Variants in ASTN2 observed in about 807,000 individuals in gnomAD.
ASTN2 encodes astrotactin-2.
Under a neutral mutation model 139.8 loss-of-function variants are expected in ASTN2, and 54 were observed. That is an observed-to-expected ratio of 0.39 (90% CI 0.31 to 0.48). ASTN2 has a LOEUF of 0.48. Among genes scored for constraint, ASTN2 ranks in the 20% least tolerant of loss-of-function variants. The pLI is 0.95. For synonymous variants in ASTN2, 756 were observed against 719.5 expected, an observed-to-expected ratio of 1.05 and a Z score of -0.81; for missense variants, 1,565 against 1,725.1, an observed-to-expected ratio of 0.91 and a Z score of 1.64.
chr9:117,262,135 A>G (rs1474963593), intron 2 of ASTN2, among the ~76,000 whole-genome samples: 1 of 152,192 alleles, frequency 6.6e-6, no homozygotes, highest in African/African-American at 2.4e-5. Flanking sequence ...CCAGGAATAG[A>G]GGATAAAATT....
Position 116,725,736 on chromosome 9 carries a change from C to T in ASTN2, c.2806+35G>A, listed in dbSNP as rs569167917. The stretch of plus-strand genomic sequence containing the variant: ...CAGACCCCTTGCCTCTATAGCCTGC[C>T]TGGCCACCTCCTACAGTAGGCACTC... On this transcript the variant is annotated intron_variant, in intron 16 of 22. Transcript: ENST00000313400. 5.0e-6 allele frequency: 8 copies of T among 1,599,560 alleles called. No individual in the cohort carries two copies. The African/African-American group carries it at 9.4e-5, about 19-fold the overall frequency.
At chr9:116,897,226 G>C (rs1485473840) in intron 10 of ASTN2, among the ~76,000 whole-genome samples, 3 of 152,192 alleles carry the variant, frequency 2.0e-5, no homozygotes, top group African/African-American at 7.2e-5. Context: ...ATGGCAAGTG[G>C]TAATACCAGG....
intron 19 of ASTN2, among the ~76,000 whole-genome samples, chr9:116,617,658 A>G (rs150289654): frequency 6.6e-6 from 1 of 152,342 alleles, no homozygotes; most frequent in East Asian, 1.9e-4. Flanking sequence ...CGTGCCTGGC[A>G]CACAAAAAAA....
chr9:117,311,229 GAAAAA>G (rs67365219), intron 1 of ASTN2, among the ~76,000 whole-genome samples: 2 of 140,936 alleles, frequency 1.4e-5, no homozygotes, highest in East Asian at 2.1e-4. Context: ...TAGGCTTACA[GAAAAA>G]AAAAAAAAAA....
intron 1 of ASTN2, among the ~76,000 whole-genome samples, chr9:117,348,091 A>C (rs1829280490): frequency 6.6e-6 from 1 of 152,186 alleles, no homozygotes. Context: ...AGAGAAGCAT[A>C]ATCCATTTAT....
chr9:116,545,150 C>T (rs1347966776), intron 19 of ASTN2, among the ~76,000 whole-genome samples: 3 of 152,222 alleles, frequency 2.0e-5, no homozygotes, highest in Non-Finnish European at 4.4e-5. Context: ...CAATGCAGAG[C>T]CAGGGATGCC....
chr9:117,229,233 T>C (rs1832811472), intron 2 of ASTN2, among the ~76,000 whole-genome samples: 1 of 152,076 alleles, frequency 6.6e-6, no homozygotes, highest in African/African-American at 2.4e-5. Flanking sequence ...AACATCTCAG[T>C]TGTAACACTG....
At chr9:116,751,538 CTAT>C (rs1421744567) in intron 13 of ASTN2, among the ~76,000 whole-genome samples, 1 of 151,666 alleles carries the variant, frequency 6.6e-6, no homozygotes, top group Non-Finnish European at 1.5e-5. Context: ...TAAATGTTAA[CTAT>C]TATTATTGTT....
At chr9:116,565,633 T>C (rs1378013862) in intron 19 of ASTN2, among the ~76,000 whole-genome samples, 3 of 150,024 alleles carry the variant, frequency 2.0e-5, no homozygotes, top group Non-Finnish European at 4.4e-5. Context: ...CACCACCATG[T>C]GGCCTGGCTA....
chr9:116,458,892 A>C (rs1232097414), intron 20 of ASTN2, among the ~76,000 whole-genome samples: 1 of 152,052 alleles, frequency 6.6e-6, no homozygotes, highest in African/African-American at 2.4e-5. Flanking sequence ...TGTTTTACAG[A>C]AATTGACAAG....
chr9:117,358,041 C>T (rs1347031815), intron 1 of ASTN2, among the ~76,000 whole-genome samples: 1 of 152,084 alleles, frequency 6.6e-6, no homozygotes. Context: ...ATACTGAACA[C>T]GTGGGAAATC....
At chr9:117,295,353 G>C (rs982245451) in intron 1 of ASTN2, among the ~76,000 whole-genome samples, 17 of 152,088 alleles carry the variant, frequency 1.1e-4, no homozygotes, top group Admixed American at 3.9e-4. Context: ...AAGAAAGAAA[G>C]AACGAAAGAA....
chr9:117,182,228 C>A (rs1409008730), intron 3 of ASTN2, among the ~76,000 whole-genome samples: 4 of 146,576 alleles, frequency 2.7e-5, no homozygotes, highest in Admixed American at 2.0e-4. Context: ...GTACTGCATG[C>A]CTTCCAAAAA....
intron 4 of ASTN2, among the ~76,000 whole-genome samples, chr9:117,137,725 T>C (rs1226522266): frequency 6.6e-6 from 1 of 151,844 alleles, no homozygotes; most frequent in Non-Finnish European, 1.5e-5. Context: ...TTTTTTTTAA[T>C]CATGAAATTC....
At chr9:116,781,985 A>C (rs1297535048) in intron 13 of ASTN2, among the ~76,000 whole-genome samples, 1 of 151,850 alleles carries the variant, frequency 6.6e-6, no homozygotes, top group African/African-American at 2.4e-5. Context: ...CAGCATTCAA[A>C]CCCCAGTTGG....
At chr9:116,818,790 C>G (rs923099532) in intron 12 of ASTN2, among the ~76,000 whole-genome samples, 12 of 152,098 alleles carry the variant, frequency 7.9e-5, no homozygotes, top group Non-Finnish European at 1.8e-4. Flanking sequence ...TCTCTATAGA[C>G]AGATATTACT....
At chr9:117,117,482 T>A (rs1044414847) in intron 4 of ASTN2, among the ~76,000 whole-genome samples, 1 of 150,872 alleles carries the variant, frequency 6.6e-6, no homozygotes, top group Non-Finnish European at 1.5e-5. Flanking sequence ...TTGTTGAGAG[T>A]GGGAAGGGCT....
chr9:117,162,566 G>A (rs754515707), intron 3 of ASTN2, among the ~76,000 whole-genome samples: 4 of 152,060 alleles, frequency 2.6e-5, no homozygotes, highest in Non-Finnish European at 5.9e-5. Context: ...GACTGTATGA[G>A]CTCCAATCCT....
chr9:116,589,797 T>C (rs1854306331), intron 19 of ASTN2, among the ~76,000 whole-genome samples: 1 of 152,220 alleles, frequency 6.6e-6, no homozygotes, highest in African/African-American at 2.4e-5. Context: ...GCTTTGAGCC[T>C]GTCATACCAA....
Sources: gnomAD v4.1 joint callset for allele counts (sites outside exome capture counted in the v4.1 genomes callset) on GRCh38, gnomAD v4.1.1 for gene constraint, MANE v1.5 for transcripts, NCBI Gene and HGNC (gene_info 2026-07-23, HGNC 2026-07-21) for gene names.